Variants in ADAMTS15 observed in about 807,000 individuals in gnomAD.
ADAMTS15 encodes the protein ADAM metallopeptidase with thrombospondin type 1 motif 15.
ADAMTS15 carries 35 observed loss-of-function variants against 79.1 expected under a neutral mutation model. The observed-to-expected ratio is 0.44, with a 90% CI of 0.34 to 0.59. The LOEUF is 0.59. Ranked by LOEUF, ADAMTS15 falls within the 20% of genes least tolerant of loss-of-function variation. The probability of loss-of-function intolerance (pLI) is 0.02; values close to 1 mark genes in which losing one functional copy is unlikely to be tolerated. For missense variants in ADAMTS15, 1,324 were observed against 1,318.7 expected, an observed-to-expected ratio of 1.00 and a Z score of -0.06; for synonymous variants, 616 against 567.3, an observed-to-expected ratio of 1.09 and a Z score of -1.22.
chr11:130,454,097 C>T (rs774534439), intron 1 of ADAMTS15, among the ~76,000 whole-genome samples: 1 of 152,172 alleles, frequency 6.6e-6, no homozygotes, highest in African/African-American at 2.4e-5. Context: ...AGATTACAGG[C>T]GTGAGCCACT....
At chr11:130,451,451 A>T (rs977237031) in intron 1 of ADAMTS15, among the ~76,000 whole-genome samples, 2 of 152,292 alleles carry the variant, frequency 1.3e-5, no homozygotes, top group Non-Finnish European at 1.5e-5. Context: ...TCATTCTTCC[A>T]ACTGAGGTCT....
intron 1 of ADAMTS15, among the ~76,000 whole-genome samples, chr11:130,452,422 C>T (rs1283180065): frequency 1.3e-5 from 2 of 152,166 alleles, no homozygotes; most frequent in African/African-American, 4.8e-5. Context: ...GAGTGTTTCT[C>T]ATTTATTTCT....
chr11:130,460,007 G>T (rs1938165664), intron 1 of ADAMTS15, among the ~76,000 whole-genome samples: 1 of 152,140 alleles, frequency 6.6e-6, no homozygotes, highest in Non-Finnish European at 1.5e-5. Context: ...TATTTCAGTG[G>T]GATGTTGTGA....
intron 1 of ADAMTS15, among the ~76,000 whole-genome samples, chr11:130,453,279 ATTT>A (rs11381792): frequency 7.5e-6 from 1 of 132,884 alleles, no homozygotes. Context: ...CTTTGGACTG[ATTT>A]TTTTTTTTTT....
chr11:130,459,485 T>C (rs1938154840), intron 1 of ADAMTS15, among the ~76,000 whole-genome samples: 1 of 152,132 alleles, frequency 6.6e-6, no homozygotes, highest in Non-Finnish European at 1.5e-5. Context: ...GTTTTGACAG[T>C]GGTTGTTTTC....
intron 1 of ADAMTS15, among the ~76,000 whole-genome samples, chr11:130,452,391 A>T (rs1937983189): frequency 6.6e-6 from 1 of 152,336 alleles, no homozygotes; most frequent in Admixed American, 6.5e-5. Flanking sequence ...TGGAACCAGG[A>T]TCTGCGAAGA....
At chr11:130,470,835 C>T in intron 5 of ADAMTS15, 85 bp from the exon 6 acceptor site, 9 of 1,459,814 alleles carry the variant, frequency 6.2e-6, no homozygotes, top group Non-Finnish European at 8.4e-6. Context: ...CTAAGAGAGC[C>T]ACGGCAGGCT....
At chr11:130,453,229 C>T (rs1938001291) in intron 1 of ADAMTS15, among the ~76,000 whole-genome samples, 1 of 151,206 alleles carries the variant, frequency 6.6e-6, no homozygotes, top group South Asian at 2.1e-4. Context: ...ATGCCCTCTC[C>T]TCCATTCCAC....
intron 1 of ADAMTS15, among the ~76,000 whole-genome samples, chr11:130,460,920 C>T (rs1015730790): frequency 1.3e-5 from 2 of 152,164 alleles, no homozygotes; most frequent in African/African-American, 2.4e-5. Context: ...GAAACTGTGC[C>T]GGGATGGGGT....
rs1240683479 is a variant in ADAMTS15, at chr11:130,472,676, C to T, written c.2079-371C>T. Among the ~76,000 whole-genome samples the T allele has an allele frequency of 6.7e-6, 1 of 150,164 alleles. No individual in the cohort carries two copies. Among genetic ancestry groups the T allele is most frequent in the African/African-American group, 2.5e-5 (1 of 39,968 alleles). ...GGATGGTGGACTTACTCCTCCCGCCCCACCCCTCCTCCTCCTCCTCCTCCT... is the reference window on the plus strand; with the variant it reads ...GGATGGTGGACTTACTCCTCCCGCCTCACCCCTCCTCCTCCTCCTCCTCCT... On this transcript the variant is annotated intron_variant, in intron 7 of 7. Coordinates refer to ENST00000299164, the MANE Select transcript of ADAMTS15 (RefSeq NM_139055.4). The surrounding 1 kb of genome is among the most constrained non-coding windows in gnomAD (Gnocchi z 4.7).
Position 130,470,949 on chromosome 11 carries a change from T to C in ADAMTS15, c.1750T>C (p.Cys584Arg). Residue 584 changes from cysteine to arginine, a missense_variant, in exon 6 of 8, where the codon TGT becomes CGT. Transcript: ENST00000299164. ...ASGKSFREEQ[C>R]EAFNGYNHST... is the part of the protein sequence containing the mutation. ...CGGAAAGAGCTTCCGGGAGGAGCAG[T>C]GTGAGGCTTTCAACGGCTACAACCA... 1 of 1,613,666 alleles carries C rather than the reference T, an allele frequency of 6.2e-7. No individual in the cohort carries two copies. Among genetic ancestry groups the C allele is most frequent in the Non-Finnish European group, 8.5e-7 (1 of 1,179,976 alleles).
In ADAMTS15 at chr11:130,471,296, G is replaced by T. The variant is rs542356137; in HGVS notation, c.1991G>T (p.Gly664Val). The change falls in exon 7 of 8, where the codon GGC (glycine) becomes GTC (valine). Residue 664 changes from glycine (G) to valine (V), a missense_variant. Coordinates refer to ENST00000299164, the MANE Select transcript of ADAMTS15 (RefSeq NM_139055.4). ...CIKAGCDGNL[G>V]SKKRFDKCGV... Reference sequence around the variant, plus strand: ...AAGGCTGGCTGTGATGGGAACCTGGGCTCCAAGAAGAGATTCGACAAGTGT... The same window carrying T: ...AAGGCTGGCTGTGATGGGAACCTGGTCTCCAAGAAGAGATTCGACAAGTGT... 96 of 1,613,248 alleles carry T rather than the reference G, an allele frequency of 6.0e-5. 1 individual carries two copies. In the Middle Eastern group the frequency reaches 1.5e-3, roughly 25 times the overall value.
chr11:130,473,087 T>A lies in ADAMTS15; in HGVS notation c.2119T>A (p.Ser707Thr). The change falls in exon 8 of 8, where the codon TCA becomes ACA. Residue 707 changes from serine (S) to threonine (T), a missense_variant. Transcript: ENST00000299164. The part of the protein sequence containing the change: ...NFVVAIPAGA[S>T]SIDIRQRGYK... Reference sequence around the variant, plus strand: ...CGTGGTGGCCATCCCCGCAGGCGCCTCAAGCATCGACATCCGCCAGCGCGG... The same window carrying A: ...CGTGGTGGCCATCCCCGCAGGCGCCACAAGCATCGACATCCGCCAGCGCGG... 1 of 1,613,862 alleles carries A rather than the reference T, an allele frequency of 6.2e-7. No individual in the cohort carries two copies. The highest frequency in any genetic ancestry group is 1.3e-5 in the African/African-American group (1 of 75,058).
At position 130,449,747 on chromosome 11, in the gene ADAMTS15, C is replaced by G. The variant is rs779472116; in HGVS notation, c.774C>G (p.Ile258Met). ...TAARLYRHPSILNPINIVVVK... is the reference protein window; with the variant it reads ...TAARLYRHPSMLNPINIVVVK... ...CGCGACTCTACCGCCATCCCAGCAT[C>G]CTCAACCCCATCAACATCGTTGTGG... Residue 258 changes from isoleucine (I) to methionine (M), a missense_variant, in exon 1 of 8, where the codon ATC (isoleucine) becomes ATG (methionine). Physicochemically the swap from Ile to Met is conservative, Grantham distance 10. Coordinates refer to ENST00000299164, the MANE Select transcript of ADAMTS15 (RefSeq NM_139055.4). This position sits in a 1 kb window ranked among gnomAD's most constrained non-coding sequence, Gnocchi z 7.8. The G allele has an allele frequency of 6.2e-7, 1 of 1,612,896 alleles. No homozygotes were observed. Among genetic ancestry groups the G allele is most frequent in the Non-Finnish European group, 8.5e-7 (1 of 1,179,976 alleles).
At chr11:130,450,356 T>C (rs1405409593) in intron 1 of ADAMTS15, 1 of 985,340 alleles carries the variant, frequency 1.0e-6, no homozygotes, top group African/African-American at 1.7e-5. Flanking sequence ...TCCTGAGGTC[T>C]CCTTTCAAGG....
Position 130,471,363 on chromosome 11 carries a change from T to TG in ADAMTS15, c.2060dup (p.Leu688ThrfsTer36). 6.2e-7 allele frequency: 1 copy of TG among 1,610,044 alleles called. No individual in the cohort carries two copies. Among genetic ancestry groups the TG allele is most frequent in the East Asian group, 2.2e-5 (1 of 44,818 alleles). On this transcript the variant is annotated frameshift_variant, in exon 7 of 8. Coordinates refer to ENST00000299164, the MANE Select transcript of ADAMTS15 (RefSeq NM_139055.4). LOFTEE classifies it high-confidence loss of function. ...ACAATAAGAGCTGCAAGAAGGTGAC[T>TG]GGACTCTTCACCAAGCCCATGTGAG...
Position 130,449,949 on chromosome 11 carries a change from A to C in ADAMTS15, c.957+19A>C, listed in dbSNP as rs766704053. The C allele has an allele frequency of 6.3e-7, 1 of 1,594,768 alleles. No individual in the cohort carries two copies. Among genetic ancestry groups the C allele is most frequent in the Non-Finnish European group, 8.5e-7 (1 of 1,176,356 alleles). On this transcript the variant is annotated intron_variant, in intron 1 of 7. Coordinates refer to ENST00000299164, the MANE Select transcript of ADAMTS15 (RefSeq NM_139055.4). This position sits in a 1 kb window ranked among gnomAD's most constrained non-coding sequence, Gnocchi z 7.8. ...CAGGCAGGTGAGTTGATCTGCCGTCACTTTGCACCCAGATAGTCCCGTTCT... is the reference window on the plus strand; with the variant it reads ...CAGGCAGGTGAGTTGATCTGCCGTCCCTTTGCACCCAGATAGTCCCGTTCT...
In ADAMTS15 at chr11:130,449,477, A is replaced by G. The variant is rs1468085270; in HGVS notation, c.504A>G (p.Gly168=). The change falls in exon 1 of 8, where the codon GGA becomes GGG. Residue 168 remains glycine, a synonymous_variant. Coordinates refer to ENST00000299164, the MANE Select transcript of ADAMTS15 (RefSeq NM_139055.4). The surrounding 1 kb of genome is among the most constrained non-coding windows in gnomAD (Gnocchi z 7.8). The stretch of plus-strand genomic sequence containing the variant: ...GGGGTGTTCCGGGCGGGCCTTCCGG[A>G]GACCCCACCTCTCGCTGCGGGGTGG... ...QRRGVPGGPS[G]DPTSRCGVAS... The G allele has an allele frequency of 1.3e-6, 2 of 1,564,742 alleles. No homozygotes were observed. The highest frequency in any genetic ancestry group is 2.7e-5 in the African/African-American group (2 of 74,054).
intron 4 of ADAMTS15, among the ~76,000 whole-genome samples, chr11:130,463,964 G>C (rs1938253526): frequency 6.6e-6 from 1 of 152,170 alleles, no homozygotes; most frequent in African/African-American, 2.4e-5. Flanking sequence ...GAGGAGGTTG[G>C]ATTTGAAGAG....
Sources: gnomAD v4.1 joint callset for allele counts (sites outside exome capture counted in the v4.1 genomes callset) on GRCh38, gnomAD v4.1.1 for gene constraint, Gnocchi (gnomAD v3.1) non-coding constraint, MANE v1.5 for transcripts, NCBI Gene and HGNC (gene_info 2026-07-23, HGNC 2026-07-21) for gene names.